The following KAZN variants were observed in gnomAD, a reference collection of about 807,000 sequenced individuals.
KAZN encodes the protein kazrin, periplakin interacting protein.
In KAZN, 40 loss-of-function variants were observed where a neutral mutation model predicts 87.4. The observed-to-expected ratio is 0.46, with a 90% confidence interval of 0.36 to 0.60. The LOEUF is 0.60. Among genes scored for constraint, KAZN ranks in the 20% least tolerant of loss-of-function variants. The pLI is 0.00. For synonymous variants in KAZN, 466 were observed against 458.3 expected (o/e 1.02, Z -0.22); for missense variants, 898 against 1,073.9 (o/e 0.84, Z 2.29).
chr1:14,022,896 A>G (rs1640911043), intron 1 of KAZN, among the ~76,000 whole-genome samples: 1 of 152,168 alleles, frequency 6.6e-6, no homozygotes, highest in South Asian at 2.1e-4. Context: ...TCTACCATGA[A>G]GTGTCTCCAT....
chr1:14,665,949 A>T (rs895687644), intron 1 of KAZN, among the ~76,000 whole-genome samples: 29 of 151,910 alleles, frequency 1.9e-4, no homozygotes, highest in East Asian at 1.7e-3. Context: ...AAAAAAAAAA[A>T]AAAATAACAT....
At chr1:14,106,573 C>T (rs746133899) in intron 1 of KAZN, among the ~76,000 whole-genome samples, 36 of 152,152 alleles carry the variant, frequency 2.4e-4, no homozygotes, top group Non-Finnish European at 3.8e-4. Context: ...TCCTCTTCTG[C>T]CTCCTCCCCA....
chr1:14,221,703 C>A (rs501587), intron 2 of KAZN, among the ~76,000 whole-genome samples: 70,455 of 152,006 alleles, frequency 0.46, 17,612 homozygotes, highest in Non-Finnish European at 0.56. Flanking sequence ...CATATCATTT[C>A]TCTACCTTTA....
chr1:14,640,650 T>TC (rs1323499154), intron 1 of KAZN, among the ~76,000 whole-genome samples: 2 of 152,140 alleles, frequency 1.3e-5, no homozygotes, highest in African/African-American at 4.8e-5. Context: ...ATCCCACCCT[T>TC]TCCTTGCAAA....
intron 1 of KAZN, among the ~76,000 whole-genome samples, chr1:13,965,759 C>T (rs560259507): frequency 3.3e-4 from 50 of 152,286 alleles, no homozygotes; most frequent in African/African-American, 1.1e-3. Context: ...TCTATTTCCA[C>T]GGGGCAAAGT....
At chr1:14,102,970 A>G (rs1424466290) in intron 1 of KAZN, among the ~76,000 whole-genome samples, 2 of 149,188 alleles carry the variant, frequency 1.3e-5, no homozygotes, top group Non-Finnish European at 3.0e-5. Context: ...GTGCAGTGGC[A>G]TGATCTCAGC....
intron 11 of KAZN, 44 bp downstream of exon 11, chr1:15,101,818 C>T (rs1557800376): frequency 1.5e-6 from 2 of 1,323,958 alleles, no homozygotes. Context: ...CACTGCCCAC[C>T]CCTCCCCTCT....
intron 2 of KAZN, among the ~76,000 whole-genome samples, chr1:14,389,357 T>C (rs1662224336): frequency 6.6e-6 from 1 of 152,200 alleles, no homozygotes; most frequent in Non-Finnish European, 1.5e-5. Context: ...CCTAGGTATA[T>C]ACTGAAAAGA....
At chr1:15,029,460 C>T (rs143121056) in intron 2 of KAZN, among the ~76,000 whole-genome samples, 7 of 147,700 alleles carry the variant, frequency 4.7e-5, no homozygotes, top group Non-Finnish European at 1.1e-4. Flanking sequence ...GCATAGCCTG[C>T]ACCCCACCAT....
intron 1 of KAZN, among the ~76,000 whole-genome samples, chr1:14,104,222 G>A (rs1333120086): frequency 6.6e-6 from 1 of 152,078 alleles, no homozygotes; most frequent in Non-Finnish European, 1.5e-5. Context: ...TCTCCTTCTT[G>A]TGCCAAGTGA....
chr1:14,476,327 T>TTTTTCAA (rs1668720643), intron 2 of KAZN, among the ~76,000 whole-genome samples: 2 of 152,236 alleles, frequency 1.3e-5, no homozygotes, highest in African/African-American at 2.4e-5. Context: ...TGCAATTTCT[T>TTTTTCAA]GCCCAATTTT....
intron 1 of KAZN, among the ~76,000 whole-genome samples, chr1:14,660,157 G>A (rs1005565946): frequency 7.9e-5 from 12 of 152,254 alleles, no homozygotes; most frequent in African/African-American, 1.7e-4. Flanking sequence ...ATGCCCAAGC[G>A]GGAGCTCTAC....
Position 13,907,188 on chromosome 1 carries a change from A to C in KAZN, c.91+13432A>C, listed in dbSNP as rs1639471035. Among the ~76,000 whole-genome samples, 10 of 152,326 alleles carry C rather than the reference A, an allele frequency of 6.6e-5. 1 individual carries two copies. In the South Asian group the frequency reaches 2.1e-3, roughly 32 times the overall value. On this transcript the variant is annotated intron_variant, in intron 1 of 16. Coordinates refer to the KAZN transcript ENST00000636203. ...GGATTTCCCCTGAGAAGGTATCTCCACCATGCAATAGAATCTTCCAGCACC... is the reference window on the plus strand; with the variant it reads ...GGATTTCCCCTGAGAAGGTATCTCCCCCATGCAATAGAATCTTCCAGCACC...
chr1:14,609,195 G>T (rs1428514715), intron 1 of KAZN, among the ~76,000 whole-genome samples: 2 of 152,166 alleles, frequency 1.3e-5, no homozygotes, highest in Non-Finnish European at 2.9e-5. Flanking sequence ...GAAAAAACAG[G>T]ACTATTCAGT....
rs573857846 is a variant in KAZN, at chr1:13,941,753, A to G, written c.91+47997A>G. Among the ~76,000 whole-genome samples, 9 of 152,310 alleles carry G rather than the reference A, an allele frequency of 5.9e-5. No individual in the cohort carries two copies. In the South Asian group the frequency reaches 1.9e-3, roughly 32 times the overall value. On this transcript the variant is annotated intron_variant, in intron 1 of 16. Coordinates refer to the KAZN transcript ENST00000636203. ...GCCCCAAATAAAACAAACCAAACCTACCACCATCACCACCACCACCAACAG... is the reference window on the plus strand; with the variant it reads ...GCCCCAAATAAAACAAACCAAACCTGCCACCATCACCACCACCACCAACAG...
chr1:14,892,784 G>A (rs978394591), intron 1 of KAZN, among the ~76,000 whole-genome samples: 2 of 152,080 alleles, frequency 1.3e-5, no homozygotes, highest in East Asian at 1.9e-4. Flanking sequence ...TGCAGGCTCC[G>A]GTGGCCTGGG....
chr1:14,715,550 C>CG, intron 1 of KAZN, among the ~76,000 whole-genome samples: 1 of 152,138 alleles, frequency 6.6e-6, no homozygotes, highest in Admixed American at 6.5e-5. Flanking sequence ...AAACAGGCTG[C>CG]GTGTGTAGCT....
At chr1:13,975,203 T>G (rs755780889) in intron 1 of KAZN, among the ~76,000 whole-genome samples, 2 of 152,118 alleles carry the variant, frequency 1.3e-5, no homozygotes, top group Non-Finnish European at 2.9e-5. Context: ...TGCCTCCACA[T>G]GTATTTGGAT....
intron 1 of KAZN, among the ~76,000 whole-genome samples, chr1:14,903,862 A>C (rs1232452213): frequency 6.6e-6 from 1 of 152,228 alleles, no homozygotes; most frequent in African/African-American, 2.4e-5. Flanking sequence ...TTGCTCACTT[A>C]ACCCTATAAG....
Sources: gnomAD v4.1 joint callset for allele counts (sites outside exome capture counted in the v4.1 genomes callset) on GRCh38, gnomAD v4.1.1 for gene constraint, MANE v1.5 for transcripts, NCBI Gene and HGNC (gene_info 2026-07-23, HGNC 2026-07-21) for gene names.